Variants in PARD3B observed in about 807,000 individuals in gnomAD.
The protein encoded by PARD3B is par-3 family cell polarity regulator beta.
PARD3B carries 103 observed loss-of-function variants against 130.2 expected under a neutral mutation model. The observed-to-expected ratio is 0.79, with a 90% CI of 0.67 to 0.93. PARD3B has a LOEUF of 0.93. PARD3B is among the 40% of genes least tolerant of loss of function. The pLI is 0.00. For synonymous variants in PARD3B, 583 were observed against 553.2 expected (o/e 1.05, Z -0.76); for missense variants, 1,609 against 1,499.2 (o/e 1.07, Z -1.21).
intron 1 of PARD3B, among the ~76,000 whole-genome samples, chr2:204,631,408 C>G (rs910165478): frequency 6.6e-6 from 1 of 152,026 alleles, no homozygotes; most frequent in Non-Finnish European, 1.5e-5. Context: ...CACCACCATG[C>G]CCAGCTAATT....
Position 205,291,344 on chromosome 2 carries a change from C to T in PARD3B, c.2186-9186C>T, listed in dbSNP as rs978455806. Among the ~76,000 whole-genome samples the T allele has an allele frequency of 6.6e-6, 1 of 152,118 alleles. No individual in the cohort carries two copies. The highest frequency in any genetic ancestry group is 2.4e-5 in the African/African-American group (1 of 41,406). On this transcript the variant is annotated intron_variant, in intron 16 of 22. Transcript: ENST00000406610. The surrounding 1 kb of genome is among the most constrained non-coding windows in gnomAD (Gnocchi z 4.6). ...GATCTCTGAGTCTTCTTAGATGATA[C>T]CCACATAATCTTGAATAGAACGTTG... is the stretch of plus-strand genomic sequence containing the variant.
intron 18 of PARD3B, among the ~76,000 whole-genome samples, chr2:205,313,530 T>C (rs1214097193): frequency 6.6e-6 from 1 of 152,214 alleles, no homozygotes; most frequent in Admixed American, 6.5e-5. Flanking sequence ...GCTGTGCAAC[T>C]CTGTTTACGG....
intron 2 of PARD3B, among the ~76,000 whole-genome samples, chr2:204,885,005 T>G (rs1202372158): frequency 6.6e-6 from 1 of 152,234 alleles, no homozygotes; most frequent in Non-Finnish European, 1.5e-5. Flanking sequence ...GTAATGGGAT[T>G]GCTGGGTCAA....
At chr2:204,861,029 A>T (rs557341276) in intron 2 of PARD3B, among the ~76,000 whole-genome samples, 1 of 152,286 alleles carries the variant, frequency 6.6e-6, no homozygotes, top group South Asian at 2.1e-4. Context: ...AGTCATTACC[A>T]CACATCTCCA....
intron 18 of PARD3B, among the ~76,000 whole-genome samples, chr2:205,376,861 A>G (rs1448692868): frequency 2.6e-5 from 4 of 152,278 alleles, no homozygotes; most frequent in Admixed American, 1.3e-4. Context: ...AAGGAAAGAA[A>G]GTACATGGGT....
rs572839254 is a variant in PARD3B, at chr2:204,694,146, C to T, written c.222+7864C>T. Among the ~76,000 whole-genome samples, 14 of 152,046 alleles carry T rather than the reference C, an allele frequency of 9.2e-5. No individual in the cohort carries two copies. The East Asian group carries it at 1.4e-3, about 15-fold the overall frequency. ...AATGGAAATTACAAAGCACTATATA[C>T]GTGTAAAAAATGTATCTATTCCTGC... On this transcript the variant is annotated intron_variant, in intron 2 of 22. Coordinates refer to ENST00000406610, the MANE Select transcript of PARD3B (RefSeq NM_001302769.2).
chr2:205,210,141 G>C (rs769636893), intron 15 of PARD3B, among the ~76,000 whole-genome samples: 4 of 151,776 alleles, frequency 2.6e-5, no homozygotes, highest in African/African-American at 4.8e-5. Context: ...TGCGTTGGGA[G>C]GATCGTTTCA....
At chr2:205,096,336 C>T (rs1702397854) in intron 4 of PARD3B, among the ~76,000 whole-genome samples, 1 of 152,148 alleles carries the variant, frequency 6.6e-6, no homozygotes, top group South Asian at 2.1e-4. Flanking sequence ...ATATTAGAAT[C>T]TGTGTCTCTT....
chr2:205,596,570 A>G (rs1251007589), intron 22 of PARD3B, among the ~76,000 whole-genome samples: 1 of 152,132 alleles, frequency 6.6e-6, no homozygotes, highest in Admixed American at 6.5e-5. Flanking sequence ...GAAAATTATC[A>G]TGGGGTGCTT....
chr2:205,543,734 A>G (rs16837410), intron 21 of PARD3B, among the ~76,000 whole-genome samples: 3,146 of 152,332 alleles, frequency 0.021, 48 homozygotes, highest in Non-Finnish European at 0.031. Context: ...ATTGCAACTC[A>G]TGATACTGAT....
At chr2:204,696,455 C>T (rs757424340) in intron 2 of PARD3B, among the ~76,000 whole-genome samples, 5 of 151,972 alleles carry the variant, frequency 3.3e-5, no homozygotes, top group Admixed American at 1.3e-4. Context: ...CTCCTATTTC[C>T]AGGACCTAAA....
At chr2:205,355,838 G>A (rs554862497) in intron 18 of PARD3B, among the ~76,000 whole-genome samples, 28 of 152,244 alleles carry the variant, frequency 1.8e-4, no homozygotes, top group African/African-American at 6.0e-4. Flanking sequence ...TTCACAAGGT[G>A]GCAGGAAGGA....
At chr2:205,577,910 C>T (rs1326333668) in intron 22 of PARD3B, among the ~76,000 whole-genome samples, 1 of 152,158 alleles carries the variant, frequency 6.6e-6, no homozygotes, top group Non-Finnish European at 1.5e-5. Context: ...TTTATGAACT[C>T]TTCTATAACA....
chr2:205,206,556 T>C (rs1275457080), intron 15 of PARD3B, among the ~76,000 whole-genome samples: 7 of 151,518 alleles, frequency 4.6e-5, no homozygotes, highest in Non-Finnish European at 7.4e-5. Flanking sequence ...TCATCATTTT[T>C]TATGGCTGCA....
intron 22 of PARD3B, among the ~76,000 whole-genome samples, chr2:205,578,455 A>T (rs1468087054): frequency 6.6e-6 from 1 of 152,232 alleles, no homozygotes; most frequent in African/African-American, 2.4e-5. Context: ...TAACCCTACA[A>T]TCACCTTGGC....
At position 204,623,515 on chromosome 2, in the gene PARD3B, G is replaced by A. The variant is rs1171740722; in HGVS notation, c.121-62666G>A. 6.6e-6 allele frequency among the ~76,000 whole-genome samples: 1 copy of A among 152,028 alleles called. No homozygotes were observed. The highest frequency in any genetic ancestry group is 1.9e-4 in the East Asian group (1 of 5,190). On this transcript the variant is annotated intron_variant, in intron 1 of 22. Coordinates refer to ENST00000406610, the MANE Select transcript of PARD3B (RefSeq NM_001302769.2). The surrounding 1 kb of genome is among the most constrained non-coding windows in gnomAD (Gnocchi z 4.5). ...TCTATAATTTTGTCAATTAGAGTGT[G>A]TTGTGTAACTGAAATTATGCAGTCC...
intron 22 of PARD3B, among the ~76,000 whole-genome samples, chr2:205,608,318 C>A (rs944469272): frequency 6.6e-6 from 1 of 152,038 alleles, no homozygotes; most frequent in African/African-American, 2.4e-5. Flanking sequence ...CAGACGAAAT[C>A]CACAGTGTTT....
chr2:205,529,902 A>G (rs1315680343), intron 21 of PARD3B, among the ~76,000 whole-genome samples: 1 of 152,192 alleles, frequency 6.6e-6, no homozygotes, highest in Admixed American at 6.5e-5. Context: ...TGACAGGTCC[A>G]TGCCCGTGGG....
chr2:205,597,963 A>T (rs555592057), intron 22 of PARD3B, among the ~76,000 whole-genome samples: 10 of 152,134 alleles, frequency 6.6e-5, no homozygotes, highest in African/African-American at 1.9e-4. Context: ...TAAAAAGGGA[A>T]TGTTAAACAT....
Sources: allele counts gnomAD v4.1 joint callset (sites outside exome capture counted in the v4.1 genomes callset), GRCh38; gene constraint gnomAD v4.1.1; non-coding constraint Gnocchi (gnomAD v3.1); transcripts MANE v1.5; gene names NCBI Gene and HGNC (gene_info 2026-07-23, HGNC 2026-07-21).